Variants in SUGCT observed in about 807,000 individuals in gnomAD.
SUGCT encodes the protein succinyl-CoA:glutarate CoA-transferase.
In SUGCT, 41 loss-of-function variants were observed where a neutral mutation model predicts 55.0. The observed-to-expected ratio is 0.74, with a 90% confidence interval of 0.58 to 0.97. SUGCT has a LOEUF of 0.97. SUGCT is among the 50% of genes least tolerant of loss of function. The probability of loss-of-function intolerance (pLI) is 0.00; values close to 1 mark genes in which losing one functional copy is unlikely to be tolerated. For synonymous variants in SUGCT, 187 were observed against 200.4 expected (o/e 0.93, Z 0.56); for missense variants, 568 against 547.8 (o/e 1.04, Z -0.37).
intron 13 of SUGCT, among the ~76,000 whole-genome samples, chr7:40,789,358 C>T (rs1790195220): frequency 6.6e-6 from 1 of 152,134 alleles, no homozygotes; most frequent in Non-Finnish European, 1.5e-5. Context: ...TGAAATCAGG[C>T]AGTCTTTATC....
the SUGCT span, among the ~76,000 whole-genome samples, chr7:40,970,637 G>A: frequency 5.3e-5 from 8 of 152,156 alleles, no homozygotes; most frequent in Admixed American, 5.2e-4. Context: ...CAAAAGCAAA[G>A]GGTGGTAAGT....
At chr7:40,907,449 C>T in the SUGCT span, among the ~76,000 whole-genome samples, 1 of 152,170 alleles carries the variant, frequency 6.6e-6, no homozygotes, top group South Asian at 2.1e-4. Context: ...ATAGCCAACA[C>T]TTACTGAGTT....
intron 6 of SUGCT, among the ~76,000 whole-genome samples, chr7:40,207,104 T>C (rs2150781760): frequency 6.6e-6 from 1 of 152,012 alleles, no homozygotes; most frequent in South Asian, 2.1e-4. Context: ...GAGGCTGACA[T>C]AGAAGATTGC....
chr7:40,881,200 C>T, the SUGCT span, among the ~76,000 whole-genome samples: 1 of 152,290 alleles, frequency 6.6e-6, no homozygotes, highest in African/African-American at 2.4e-5. Context: ...TTAACTACTT[C>T]TCATGACCCA....
At chr7:40,157,780 T>C (rs1783968277) in intron 1 of SUGCT, among the ~76,000 whole-genome samples, 1 of 152,236 alleles carries the variant, frequency 6.6e-6, no homozygotes, top group African/African-American at 2.4e-5. Context: ...CACTCGTTGA[T>C]AGGGTTAGAC....
chr7:40,339,584 G>C (rs977683390), intron 9 of SUGCT, among the ~76,000 whole-genome samples: 6 of 152,202 alleles, frequency 3.9e-5, no homozygotes, highest in African/African-American at 1.4e-4. Flanking sequence ...CGTTTGCTAA[G>C]ACCATTGGAG....
At chr7:40,814,300 G>A (rs1422902856) in intron 13 of SUGCT, among the ~76,000 whole-genome samples, 1 of 151,912 alleles carries the variant, frequency 6.6e-6, no homozygotes, top group Non-Finnish European at 1.5e-5. Context: ...TTTTTTCCAG[G>A]TTATTTACTC....
intron 12 of SUGCT, among the ~76,000 whole-genome samples, chr7:40,693,943 C>G (rs146438075): frequency 8.9e-4 from 136 of 152,322 alleles, no homozygotes; most frequent in African/African-American, 3.0e-3. Flanking sequence ...CTGCTGTGTT[C>G]TCACCATTCT....
chr7:40,247,597 G>T (rs1399299962), intron 7 of SUGCT, among the ~76,000 whole-genome samples: 1 of 152,120 alleles, frequency 6.6e-6, no homozygotes, highest in Non-Finnish European at 1.5e-5. Flanking sequence ...GTATGTAGTA[G>T]CAGCTGATTG....
At chr7:40,204,468 A>G (rs530743281) in intron 6 of SUGCT, among the ~76,000 whole-genome samples, 1 of 151,944 alleles carries the variant, frequency 6.6e-6, no homozygotes, top group Admixed American at 6.6e-5. Flanking sequence ...ATGCCCGACT[A>G]ATTTTTTCTA....
chr7:40,211,581 A>C (rs554758074), intron 6 of SUGCT, among the ~76,000 whole-genome samples: 5 of 152,164 alleles, frequency 3.3e-5, no homozygotes, highest in African/African-American at 7.2e-5. Context: ...TTGATCCATC[A>C]TTATTACCAC....
intron 12 of SUGCT, among the ~76,000 whole-genome samples, chr7:40,579,263 C>A (rs932366362): frequency 6.6e-6 from 1 of 152,196 alleles, no homozygotes. Flanking sequence ...TTACCAGCAT[C>A]ATGTTTCCAT....
At chr7:40,687,031 A>C (rs1562946379) in intron 12 of SUGCT, among the ~76,000 whole-genome samples, 1 of 152,106 alleles carries the variant, frequency 6.6e-6, no homozygotes, top group Non-Finnish European at 1.5e-5. Flanking sequence ...CCTCACCCCC[A>C]ACCCACAATT....
chr7:40,551,755 T>C (rs1156985129), intron 12 of SUGCT, among the ~76,000 whole-genome samples: 5 of 152,160 alleles, frequency 3.3e-5, no homozygotes, highest in Non-Finnish European at 5.9e-5. Context: ...AATACAGCCA[T>C]GTAAAAATAA....
intron 1 of SUGCT, among the ~76,000 whole-genome samples, chr7:40,155,938 A>C (rs1332302562): frequency 6.6e-6 from 1 of 151,044 alleles, no homozygotes; most frequent in Non-Finnish European, 1.5e-5. Context: ...GCTCACTGCA[A>C]CCTCCACCTC....
intron 1 of SUGCT, among the ~76,000 whole-genome samples, chr7:40,175,246 G>C (rs1367774334): frequency 2.0e-5 from 3 of 150,828 alleles, no homozygotes; most frequent in African/African-American, 7.3e-5. Flanking sequence ...TCGAGACAGA[G>C]TCTCACTCTG....
At chr7:40,890,495 G>A in the SUGCT span, among the ~76,000 whole-genome samples, 1 of 151,772 alleles carries the variant, frequency 6.6e-6, no homozygotes, top group Non-Finnish European at 1.5e-5. Flanking sequence ...CCCATCTGAG[G>A]ACTCAGTCAT....
chr7:40,946,256 C>A, the SUGCT span, among the ~76,000 whole-genome samples: 3 of 152,034 alleles, frequency 2.0e-5, no homozygotes, highest in Non-Finnish European at 4.4e-5. Flanking sequence ...AGGCAATGGG[C>A]AGGACCACAG....
At chr7:41,007,823 CAA>C in the SUGCT span, among the ~76,000 whole-genome samples, 882 of 104,288 alleles carry the variant, frequency 8.5e-3, 6 homozygotes, top group African/African-American at 0.03. Context: ...AACTGAAATC[CAA>C]AAAAAAAAAA....
Sources: gnomAD v4.1 joint callset for allele counts (sites outside exome capture counted in the v4.1 genomes callset) on GRCh38, gnomAD v4.1.1 for gene constraint, MANE v1.5 for transcripts, NCBI Gene and HGNC (gene_info 2026-07-23, HGNC 2026-07-21) for gene names.